VTA1: variants seen among roughly 807,000 people sequenced by gnomAD.
VTA1 encodes vesicle trafficking 1.
VTA1 carries 24 observed loss-of-function variants against 36.9 expected under a neutral mutation model. The ratio of observed to expected loss-of-function variants is 0.65; its 90% CI spans 0.47 to 0.91. The LOEUF (loss-of-function observed/expected upper bound fraction) is 0.91, where lower values mean the gene tolerates loss of function less well. Among genes scored for constraint, VTA1 ranks in the 40% least tolerant of loss-of-function variants. The pLI is 0.00. For synonymous variants in VTA1, 142 were observed against 130.2 expected (o/e 1.09, Z -0.62); for missense variants, 393 against 377.2 (o/e 1.04, Z -0.35).
At chr6:142,168,737 T>TATC (rs1189428440) in intron 2 of VTA1, among the ~76,000 whole-genome samples, 5 of 133,026 alleles carry the variant, frequency 3.8e-5, no homozygotes, top group East Asian at 2.1e-4. Context: ...CTCTGAGAGA[T>TATC]ATCATTATTA....
At chr6:142,213,872 G>C (rs138784009) in intron 7 of VTA1, among the ~76,000 whole-genome samples, 28 of 152,280 alleles carry the variant, frequency 1.8e-4, no homozygotes, top group Admixed American at 1.2e-3. Context: ...TGATGGCGGG[G>C]TCTGCTGTGG....
intron 4 of VTA1, among the ~76,000 whole-genome samples, chr6:142,177,714 A>G (rs1775152928): frequency 6.6e-6 from 1 of 152,164 alleles, no homozygotes; most frequent in South Asian, 2.1e-4. Flanking sequence ...CATTCTAAGT[A>G]CTAAATGTGT....
rs970037198 is a variant in VTA1, at chr6:142,161,082, C to G, written c.113-5146C>G. Among the ~76,000 whole-genome samples, 3 of 139,216 alleles carry G rather than the reference C, an allele frequency of 2.2e-5. 1 individual carries two copies. In the East Asian group the frequency reaches 7.5e-4, roughly 35 times the overall value. The allele number at this position is 139,216 out of a possible 152,430, so 91.3% of individuals were successfully genotyped here. ...ATTCATTCATGCTTCCTTCCTTCCC[C>G]CCCCCCCCTTTTTTTGGGTCAAATA... On this transcript the variant is annotated intron_variant, in intron 1 of 7. Coordinates refer to ENST00000367630, the MANE Select transcript of VTA1 (RefSeq NM_016485.5).
chr6:142,193,553 A>G (rs1377167900), intron 5 of VTA1, among the ~76,000 whole-genome samples: 1 of 152,070 alleles, frequency 6.6e-6, no homozygotes, highest in African/African-American at 2.4e-5. Flanking sequence ...AAATAAATGT[A>G]TTTATTCATT....
chr6:142,198,123 G>A (rs868386005), intron 5 of VTA1, among the ~76,000 whole-genome samples: 147 of 49,374 alleles, frequency 3.0e-3, no homozygotes, highest in African/African-American at 7.5e-3. Flanking sequence ...ATATATATGT[G>A]TGTGTGTGTG....
chr6:142,215,311 G>A (rs1458362005), intron 7 of VTA1, among the ~76,000 whole-genome samples: 1 of 151,990 alleles, frequency 6.6e-6, no homozygotes, highest in Non-Finnish European at 1.5e-5. Context: ...CCTGGTGGTG[G>A]GCGCCTGTAG....
chr6:142,207,527 C>A (rs1436356316), intron 7 of VTA1, among the ~76,000 whole-genome samples: 1 of 152,088 alleles, frequency 6.6e-6, no homozygotes, highest in Non-Finnish European at 1.5e-5. Flanking sequence ...TCCCACACTG[C>A]CAGTGTAATC....
intron 7 of VTA1, among the ~76,000 whole-genome samples, chr6:142,211,824 A>G (rs1377776549): frequency 6.6e-6 from 1 of 152,210 alleles, no homozygotes; most frequent in Non-Finnish European, 1.5e-5. Context: ...CTAAAGAACA[A>G]TAACGCAGAC....
chr6:142,213,405 T>C, intron 7 of VTA1, among the ~76,000 whole-genome samples: 1 of 152,108 alleles, frequency 6.6e-6, no homozygotes, highest in Non-Finnish European at 1.5e-5. Context: ...TGATGTTGAG[T>C]GCCTGTGACT....
intron 7 of VTA1, 59 bp downstream of exon 7, chr6:142,204,124 G>C: frequency 6.8e-7 from 1 of 1,465,882 alleles, no homozygotes; most frequent in South Asian, 1.1e-5. Flanking sequence ...TTGCTGTTTT[G>C]TAATTTTACC....
chr6:142,210,038 AAAC>A (rs1775871779), intron 7 of VTA1, among the ~76,000 whole-genome samples: 2 of 152,190 alleles, frequency 1.3e-5, no homozygotes, highest in Non-Finnish European at 2.9e-5. Context: ...ATGATAACCA[AAAC>A]AACATGGTAC....
At chr6:142,193,620 A>G (rs921862226) in intron 5 of VTA1, among the ~76,000 whole-genome samples, 9 of 151,758 alleles carry the variant, frequency 5.9e-5, no homozygotes, top group African/African-American at 1.9e-4. Context: ...ATAATTCATT[A>G]CTCATTATTC....
chr6:142,216,252 C>G (rs147864504), intron 7 of VTA1, among the ~76,000 whole-genome samples: 1 of 151,982 alleles, frequency 6.6e-6, no homozygotes, highest in South Asian at 2.1e-4. Flanking sequence ...ATATATTTTT[C>G]GCTTACTCTG....
chr6:142,183,145 A>G (rs377312953), intron 4 of VTA1, among the ~76,000 whole-genome samples: 2 of 152,166 alleles, frequency 1.3e-5, no homozygotes, highest in Non-Finnish European at 2.9e-5. Flanking sequence ...CAAAAATCAC[A>G]ATTACTTTCA....
chr6:142,215,122 A>G (rs1431963439), intron 7 of VTA1, among the ~76,000 whole-genome samples: 3 of 152,194 alleles, frequency 2.0e-5, no homozygotes, highest in Non-Finnish European at 4.4e-5. Context: ...TTAGAGTGTC[A>G]ATGACAACTT....
chr6:142,159,532 T>G (rs2114634736), intron 1 of VTA1, among the ~76,000 whole-genome samples: 1 of 145,708 alleles, frequency 6.9e-6, no homozygotes, highest in Non-Finnish European at 1.5e-5. Flanking sequence ...ATTATTATTT[T>G]GAGACAAAGT....
intron 1 of VTA1, among the ~76,000 whole-genome samples, chr6:142,154,028 T>G (rs1778616225): frequency 6.6e-6 from 1 of 152,122 alleles, no homozygotes; most frequent in South Asian, 2.1e-4. Context: ...TATTTGTGTG[T>G]GTGTGTGTAT....
At chr6:142,214,718 G>A (rs956119159) in intron 7 of VTA1, among the ~76,000 whole-genome samples, 33 of 152,246 alleles carry the variant, frequency 2.2e-4, no homozygotes, top group Admixed American at 1.8e-3. Context: ...CAGGTTCATC[G>A]ATTGTGACAA....
chr6:142,213,515 G>A (rs1775941852), intron 7 of VTA1, among the ~76,000 whole-genome samples: 1 of 152,216 alleles, frequency 6.6e-6, no homozygotes, highest in East Asian at 1.9e-4. Flanking sequence ...TGCCCCAGTG[G>A]GCATGCTGCA....
Sources: allele counts gnomAD v4.1 joint callset (sites outside exome capture counted in the v4.1 genomes callset), GRCh38; gene constraint gnomAD v4.1.1; transcripts MANE v1.5; gene names NCBI Gene and HGNC (gene_info 2026-07-23, HGNC 2026-07-21).